Variants in NRDC observed in about 807,000 individuals in gnomAD.
The protein encoded by NRDC is nardilysin convertase.
In NRDC, 54 loss-of-function variants were observed where a neutral mutation model predicts 147.1. The ratio of observed to expected loss-of-function variants is 0.37; its 90% confidence interval spans 0.29 to 0.46. NRDC has a LOEUF of 0.46. NRDC is among the 20% of genes least tolerant of loss of function. The pLI is 1.00. For synonymous variants in NRDC, 440 were observed against 482.1 expected (o/e 0.91, Z 1.14); for missense variants, 1,082 against 1,370.6 (o/e 0.79, Z 3.33).
intron 1 of NRDC, among the ~76,000 whole-genome samples, chr1:51,867,322 T>C (rs1028163077): frequency 6.6e-6 from 1 of 152,154 alleles, no homozygotes; most frequent in African/African-American, 2.4e-5. Context: ...ACAAAACTAA[T>C]TCCTTGCCCT....
chr1:51,808,467 C>T (rs1276232092), intron 17 of NRDC, among the ~76,000 whole-genome samples: 2 of 152,206 alleles, frequency 1.3e-5, no homozygotes, highest in African/African-American at 4.8e-5. Flanking sequence ...TGTATCAGTA[C>T]TACACTTTTT....
intron 20 of NRDC, chr1:51,800,940 G>T: frequency 6.2e-6 from 2 of 320,852 alleles, no homozygotes; most frequent in Non-Finnish European, 1.1e-5. Flanking sequence ...GAATGCCTAG[G>T]CTCTAGCCAT....
chr1:51,826,336 G>A (rs1240929564), intron 5 of NRDC, among the ~76,000 whole-genome samples: 1 of 152,074 alleles, frequency 6.6e-6, no homozygotes, highest in Non-Finnish European at 1.5e-5. Context: ...AGGTAATATA[G>A]CAGACATGTA....
chr1:51,837,249 T>C (rs1681032793), intron 2 of NRDC, among the ~76,000 whole-genome samples: 1 of 152,240 alleles, frequency 6.6e-6, no homozygotes, highest in South Asian at 2.1e-4. Context: ...AAACAGATTG[T>C]TTTAATAAAC....
chr1:51,860,240 G>C (rs1326163933), intron 1 of NRDC: 1 of 154,582 alleles, frequency 6.5e-6, no homozygotes, highest in African/African-American at 2.4e-5. Flanking sequence ...GTTGACTTGG[G>C]TTGACTAGTC....
intron 4 of NRDC, 135 bp downstream of exon 4, chr1:51,833,882 T>C: frequency 4.0e-6 from 3 of 757,688 alleles, no homozygotes; most frequent in Admixed American, 2.8e-5. Context: ...CCCAAAGTAC[T>C]TGAGTTACAG....
intron 1 of NRDC, among the ~76,000 whole-genome samples, chr1:51,846,283 T>A (rs907934221): frequency 2.6e-5 from 4 of 152,086 alleles, no homozygotes; most frequent in Admixed American, 2.0e-4. Context: ...TGGTTAATTT[T>A]TTTATTTTTA....
intron 5 of NRDC, among the ~76,000 whole-genome samples, chr1:51,826,539 A>G (rs1010017501): frequency 3.9e-5 from 6 of 152,216 alleles, no homozygotes; most frequent in African/African-American, 1.4e-4. Context: ...TTTCATCTCA[A>G]TCACTAAGAC....
intron 20 of NRDC, 29 bp downstream of exon 20, chr1:51,803,785 T>C: frequency 5.0e-6 from 8 of 1,589,312 alleles, no homozygotes; most frequent in Non-Finnish European, 6.9e-6. Context: ...TAATGCTCTC[T>C]ATAAGGAAAA....
intron 3 of NRDC, among the ~76,000 whole-genome samples, chr1:51,835,464 C>CTTTT (rs1026010867): frequency 7.8e-6 from 1 of 127,694 alleles, no homozygotes; most frequent in African/African-American, 3.3e-5. Flanking sequence ...TTTTTTGTTT[C>CTTTT]TTGTTTTTTT....
Position 51,789,559 on chromosome 1 carries a change from C to T in NRDC, c.3258+9G>A, listed in dbSNP as rs1380242916. On this transcript the variant is annotated intron_variant, in intron 30 of 30. Coordinates refer to ENST00000352171, the MANE Select transcript of NRDC (RefSeq NM_001101662.2). The stretch of plus-strand genomic sequence containing the variant: ...CCTAGAATGGATGGAGTTAGTTAAA[C>T]ATACTCACATGAACGCTGAGCATTT... 6.2e-7 allele frequency: 1 copy of T among 1,609,536 alleles called. No homozygotes were observed.
intron 7 of NRDC, among the ~76,000 whole-genome samples, chr1:51,822,782 G>T (rs186111635): frequency 2.9e-4 from 44 of 152,266 alleles, no homozygotes; most frequent in Non-Finnish European, 5.1e-4. Context: ...TTGAACAGAA[G>T]AATCTACCAT....
At position 51,812,077 on chromosome 1, in the gene NRDC, C is replaced by G; in HGVS notation, c.1696G>C (p.Glu566Gln). The change falls in exon 15 of 31, where the codon GAA (glutamate) becomes CAA (glutamine). Residue 566 changes from glutamate (E) to glutamine (Q), a missense_variant. Physicochemically the swap from Glu to Gln is conservative, Grantham distance 29. Coordinates refer to ENST00000352171, the MANE Select transcript of NRDC (RefSeq NM_001101662.2). ...AGCTGCATGTTCTCACACATGTTTT[C>G]CACATACTCAACTGGATCTGTCTGT... ...QEQTDPVEYV[E>Q]NMCENMQLYP... The G allele has an allele frequency of 6.2e-7, 1 of 1,613,558 alleles. No individual in the cohort carries two copies. The highest frequency in any genetic ancestry group is 1.3e-5 in the African/African-American group (1 of 75,022).
rs923160766 is a variant in NRDC at position 51,849,115 on chromosome 1, G to T, written c.342-8601C>A. 1.3e-5 allele frequency among the ~76,000 whole-genome samples: 2 copies of T among 152,258 alleles called. 1 individual carries two copies. Among genetic ancestry groups the T allele is most frequent in the South Asian group, 4.1e-4 (2 of 4,824 alleles). On this transcript the variant is annotated intron_variant, in intron 1 of 30. Transcript: ENST00000352171. ...AAAAACCCCAACAAGGGCCGGATGC[G>T]GTGGCTCACGCCTGTAATCCTAGCA... is the stretch of plus-strand genomic sequence containing the variant.
chr1:51,808,375 A>G (rs539427683), intron 17 of NRDC, among the ~76,000 whole-genome samples: 2 of 152,184 alleles, frequency 1.3e-5, no homozygotes, highest in African/African-American at 2.4e-5. Flanking sequence ...AATATTTCGT[A>G]TACATGGACT....
At chr1:51,826,197 C>A (rs757860313) in intron 5 of NRDC, among the ~76,000 whole-genome samples, 1 of 152,134 alleles carries the variant, frequency 6.6e-6, no homozygotes, top group Non-Finnish European at 1.5e-5. Flanking sequence ...GACTAAAAAC[C>A]GCTAGAACTG....
Position 51,791,637 on chromosome 1 carries a change from C to A in NRDC, c.2901G>T (p.Arg967Ser). The A allele has an allele frequency of 1.2e-6, 2 of 1,613,846 alleles. No homozygotes were observed. Among genetic ancestry groups the A allele is most frequent in the Non-Finnish European group, 1.7e-6 (2 of 1,179,806 alleles). The change falls in exon 27 of 31, where the codon AGG becomes AGT. Residue 967 changes from arginine (R) to serine (S), a missense_variant. By Grantham distance (110) the Arg-to-Ser change is moderately radical. This residue lies in a region of NRDC where 635 missense variants were observed against 923.8 expected (regional missense o/e 0.69). Transcript: ENST00000352171. The stretch of plus-strand genomic sequence containing the variant: ...AAAATCCTAGAATCCCGGATGTGTT[C>A]CTACAGGTAGGGTAGACATGGTACC... The part of the protein sequence containing the change: ...TLGYHVYPTC[R>S]NTSGILGFSV...
chr1:51,865,083 A>G (rs2124098911), intron 1 of NRDC, among the ~76,000 whole-genome samples: 1 of 152,266 alleles, frequency 6.6e-6, no homozygotes, highest in East Asian at 1.9e-4. Flanking sequence ...AGGAGCAAAC[A>G]TAAGCTATGG....
At chr1:51,818,800 G>A (rs892497846) in intron 9 of NRDC, among the ~76,000 whole-genome samples, 3 of 152,070 alleles carry the variant, frequency 2.0e-5, no homozygotes, top group East Asian at 3.8e-4. Flanking sequence ...AAAATCTGCC[G>A]TGATAGAATA....
Sources: gnomAD v4.1 joint callset for allele counts (sites outside exome capture counted in the v4.1 genomes callset) on GRCh38, gnomAD v4.1.1 for gene constraint, gnomAD v4.1.1 regional missense constraint, MANE v1.5 for transcripts, NCBI Gene and HGNC (gene_info 2026-07-23, HGNC 2026-07-21) for gene names.